The following GALNT9 variants were observed in gnomAD, a reference collection of about 807,000 sequenced individuals.
GALNT9 encodes polypeptide N-acetylgalactosaminyltransferase 9.
GALNT9 carries 47 observed loss-of-function variants against 63.1 expected under a neutral mutation model. The observed-to-expected ratio is 0.75, with a 90% CI of 0.59 to 0.95. The LOEUF (loss-of-function observed/expected upper bound fraction) is 0.95. Among genes scored for constraint, GALNT9 ranks in the 40% least tolerant of loss-of-function variants. GALNT9 has a pLI of 0.00. For synonymous variants in GALNT9, 396 were observed against 365.7 expected, an observed-to-expected ratio of 1.08 and a Z score of -0.94; for missense variants, 829 against 874.8, an observed-to-expected ratio of 0.95 and a Z score of 0.66.
intron 6 of GALNT9, among the ~76,000 whole-genome samples, chr12:132,214,217 T>G (rs10902515): frequency 0.81 from 123,231 of 152,172 alleles, 50,233 homozygotes; most frequent in East Asian, 0.91. Context: ...ACGCCTGTGA[T>G]TCCACTGTCC....
intron 6 of GALNT9, chr12:132,240,504 C>G (rs1401027532): frequency 2.2e-5 from 9 of 417,000 alleles, no homozygotes; most frequent in Non-Finnish European, 3.3e-5. Context: ...GGGCGGCACT[C>G]ACTCCAGTCG....
intron 1 of GALNT9, among the ~76,000 whole-genome samples, chr12:132,288,945 C>T (rs1439812449): frequency 6.6e-6 from 1 of 151,932 alleles, no homozygotes; most frequent in African/African-American, 2.4e-5. Flanking sequence ...GAGCATGGTT[C>T]CAGATGGCTG....
At chr12:132,302,903 G>A (rs77062883) in intron 1 of GALNT9, among the ~76,000 whole-genome samples, 38 of 152,268 alleles carry the variant, frequency 2.5e-4, no homozygotes, top group African/African-American at 7.9e-4. Context: ...AGCTGAGAGG[G>A]AGAGAGGAGG....
chr12:132,254,008 G>A (rs1157831124), intron 5 of GALNT9, among the ~76,000 whole-genome samples: 1 of 150,180 alleles, frequency 6.7e-6, no homozygotes, highest in African/African-American at 2.5e-5. Flanking sequence ...CCTTGAAAAT[G>A]CCCTTCACTG....
At chr12:132,320,747 G>T (rs985091554) in intron 1 of GALNT9, among the ~76,000 whole-genome samples, 1 of 143,450 alleles carries the variant, frequency 7.0e-6, no homozygotes, top group Non-Finnish European at 1.5e-5. Flanking sequence ...AGGTGCCCTC[G>T]GGGTTGGAGA....
chr12:132,216,656 G>A (rs544806451), intron 6 of GALNT9, among the ~76,000 whole-genome samples: 1 of 152,340 alleles, frequency 6.6e-6, no homozygotes, highest in African/African-American at 2.4e-5. Context: ...TGGCTACCTT[G>A]GGAGGTGTTC....
In GALNT9 at chr12:132,213,941, C is replaced by T. The variant is rs138474787; in HGVS notation, c.1078-10251G>A. Reference sequence around the variant, plus strand: ...TGGAGATGCAGGCCCAACCCCACCCCCTATGTCCGCACACCCTCCCTGCAG... The same window carrying T: ...TGGAGATGCAGGCCCAACCCCACCCTCTATGTCCGCACACCCTCCCTGCAG... On this transcript the variant is annotated intron_variant, in intron 6 of 10. Coordinates refer to ENST00000328957, the MANE Select transcript of GALNT9 (RefSeq NM_001122636.2). Among the ~76,000 whole-genome samples the T allele has an allele frequency of 5.3e-5, 8 of 152,320 alleles. No homozygotes were observed. The East Asian group carries it at 5.8e-4, about 11-fold the overall frequency.
chr12:132,201,230 T>C lies in GALNT9; in HGVS notation c.1295A>G (p.Glu432Gly). 6.2e-7 allele frequency: 1 copy of C among 1,613,442 alleles called. No homozygotes were observed. Among genetic ancestry groups the C allele is most frequent in the South Asian group, 1.1e-5 (1 of 91,016 alleles). The change falls in exon 8 of 11, where the codon GAG (glutamate) becomes GGG (glycine). Residue 432 changes from glutamate (E) to glycine (G), a missense_variant. Glu to Gly is a moderately conservative substitution (Grantham distance 98, BLOSUM62 -2). Transcript: ENST00000328957. ...NPGVDFGDVS[E>G]RLALRQRLKC... is the part of the protein sequence containing the mutation. Reference sequence around the variant, plus strand: ...CAGCCTCTGACGCAGGGCCAGCCTCTCAGACACGTCCCCGAAGTCCACCCC... The same window carrying C: ...CAGCCTCTGACGCAGGGCCAGCCTCCCAGACACGTCCCCGAAGTCCACCCC...
intron 6 of GALNT9, among the ~76,000 whole-genome samples, chr12:132,241,012 AC>A (rs1878295807): frequency 8.3e-6 from 1 of 120,386 alleles, no homozygotes; most frequent in African/African-American, 3.3e-5. Flanking sequence ...CCCTCCCTAT[AC>A]CCATTACACA....
intron 1 of GALNT9, among the ~76,000 whole-genome samples, chr12:132,322,714 G>C (rs1046434719): frequency 5.3e-5 from 8 of 152,326 alleles, no homozygotes; most frequent in African/African-American, 1.7e-4. Flanking sequence ...GGCCTGGGCG[G>C]CTTCCTGGGA....
chr12:132,313,432 C>CCCAT (rs1162230854), intron 1 of GALNT9, among the ~76,000 whole-genome samples: 6 of 146,372 alleles, frequency 4.1e-5, no homozygotes, highest in Non-Finnish European at 7.5e-5. Context: ...TACCCACCTA[C>CCCAT]CCATCCATCC....
intron 1 of GALNT9, among the ~76,000 whole-genome samples, chr12:132,313,614 T>C (rs1346478807): frequency 5.0e-4 from 40 of 79,328 alleles, no homozygotes; most frequent in South Asian, 9.7e-4. Flanking sequence ...AGACATCCAC[T>C]CACCCACCCA....
Position 132,286,320 on chromosome 12 carries a change from ACTC to A in GALNT9, c.346_348del (p.Glu116del). The A allele has an allele frequency of 6.4e-7, 1 of 1,550,966 alleles. No homozygotes were observed. ...TCGCTGAGCTGAGCGTTGTAGCCGTACTCCTCATACTTGCCTTCCGCCTCCTGG... is the reference window on the plus strand; with the variant it reads ...TCGCTGAGCTGAGCGTTGTAGCCGTACTCATACTTGCCTTCCGCCTCCTGG... On this transcript the variant is annotated inframe_deletion, in exon 2 of 11. Transcript: ENST00000328957. The surrounding 1 kb of genome is among the most constrained non-coding windows in gnomAD (Gnocchi z 7.4).
chr12:132,208,446 C>G (rs1422602121), intron 6 of GALNT9, among the ~76,000 whole-genome samples: 2 of 152,276 alleles, frequency 1.3e-5, no homozygotes, highest in African/African-American at 4.8e-5. Flanking sequence ...CGCTATCACC[C>G]TAGGCCTTCG....
intron 6 of GALNT9, among the ~76,000 whole-genome samples, chr12:132,239,713 GAC>G (rs1464062272): frequency 1.3e-5 from 2 of 152,090 alleles, no homozygotes; most frequent in Non-Finnish European, 2.9e-5. Flanking sequence ...GAGACAAAGA[GAC>G]ACAGAGAGAC....
intron 1 of GALNT9, among the ~76,000 whole-genome samples, chr12:132,318,730 T>G (rs1232806386): frequency 4.6e-5 from 7 of 152,168 alleles, no homozygotes; most frequent in Admixed American, 1.3e-4. Context: ...CCTGCCCTCC[T>G]CTCGTCTGCC....
Position 132,265,384 on chromosome 12 carries a change from C to T in GALNT9, c.420-2759G>A, listed in dbSNP as rs185939150. Among the ~76,000 whole-genome samples the T allele has an allele frequency of 2.0e-5, 3 of 151,550 alleles. No homozygotes were observed. Among genetic ancestry groups the T allele is most frequent in the Admixed American group, 2.0e-4 (3 of 15,302 alleles). On this transcript the variant is annotated intron_variant, in intron 2 of 10. Transcript: ENST00000328957. The surrounding 1 kb of genome is among the most constrained non-coding windows in gnomAD (Gnocchi z 5.3). ...GACACAGTGTCAGCAGGACATGGGC[C>T]TCTGTCTCCGATCTCGGAAACACAT... is the stretch of plus-strand genomic sequence containing the variant.
At chr12:132,219,095 G>A (rs895223778) in intron 6 of GALNT9, among the ~76,000 whole-genome samples, 4 of 152,090 alleles carry the variant, frequency 2.6e-5, no homozygotes, top group South Asian at 2.1e-4. Context: ...CTTCTCACCC[G>A]GTCCCACCCC....
chr12:132,298,088 A>C (rs1410900380), intron 1 of GALNT9, among the ~76,000 whole-genome samples: 2 of 151,738 alleles, frequency 1.3e-5, no homozygotes, highest in African/African-American at 2.4e-5. Context: ...ATAACCAACT[A>C]ACTCCTGAGA....
Sources: gnomAD v4.1 joint callset for allele counts (sites outside exome capture counted in the v4.1 genomes callset) on GRCh38, gnomAD v4.1.1 for gene constraint, Gnocchi (gnomAD v3.1) non-coding constraint, MANE v1.5 for transcripts, NCBI Gene and HGNC (gene_info 2026-07-23, HGNC 2026-07-21) for gene names.